PSEN1: variants seen among roughly 807,000 people sequenced by gnomAD.
PSEN1 encodes the protein presenilin-1.
PSEN1 carries 15 observed loss-of-function variants against 53.5 expected under a neutral mutation model. The observed-to-expected ratio is 0.28, with a 90% CI of 0.19 to 0.43. The LOEUF (loss-of-function observed/expected upper bound fraction) is 0.43. Among genes scored for constraint, PSEN1 ranks in the 20% least tolerant of loss-of-function variants. The probability of loss-of-function intolerance (pLI) is 1.00; values close to 1 mark genes in which losing one functional copy is unlikely to be tolerated. For synonymous variants in PSEN1, 208 were observed against 209.8 expected, an observed-to-expected ratio of 0.99 and a Z score of 0.08; for missense variants, 387 against 571.2, an observed-to-expected ratio of 0.68 and a Z score of 3.29.
intron 9 of PSEN1, among the ~76,000 whole-genome samples, chr14:73,206,826 T>A (rs1899475302): frequency 6.7e-6 from 1 of 149,946 alleles, no homozygotes; most frequent in African/African-American, 2.5e-5. Context: ...AAAGTAAGAA[T>A]CTCCTAAAAG....
In PSEN1 at chr14:73,219,554, A is replaced by G. The variant is rs199643125; in HGVS notation, c.*265A>G. 35 of 465,748 alleles carry G rather than the reference A, an allele frequency of 7.5e-5. No homozygotes were observed. Among genetic ancestry groups the G allele is most frequent in the Non-Finnish European group, 1.3e-4 (34 of 253,086 alleles). The allele number at this position is 465,748 out of a possible 1,614,324, so 28.9% of individuals were successfully genotyped here. ...CTACCAGATTTGAGGGACGAGGTCA[A>G]GGAGATATGATAGGCCCGGAAGTTG... On this transcript the variant is annotated 3_prime_UTR_variant, in exon 12 of 12. Transcript: ENST00000324501.
intron 8 of PSEN1, among the ~76,000 whole-genome samples, chr14:73,205,470 C>A (rs1476261337): frequency 7.3e-6 from 1 of 136,712 alleles, no homozygotes; most frequent in Non-Finnish European, 1.5e-5. Context: ...CAGAGCAAGA[C>A]TCTGTCTCAA....
At chr14:73,160,207 G>T (rs965564194) in intron 3 of PSEN1, 1 of 159,346 alleles carries the variant, frequency 6.3e-6, no homozygotes, top group Non-Finnish European at 1.4e-5. Context: ...TGTCCTCAAG[G>T]TTCATCTATA....
At chr14:73,209,997 A>G (rs941804866) in intron 9 of PSEN1, among the ~76,000 whole-genome samples, 2 of 152,218 alleles carry the variant, frequency 1.3e-5, no homozygotes, top group African/African-American at 4.8e-5. Context: ...AAACTCCTCC[A>G]TCCTAGTTAT....
At chr14:73,184,966 C>A (rs1203158334) in intron 5 of PSEN1, among the ~76,000 whole-genome samples, 136 of 128,376 alleles carry the variant, frequency 1.1e-3, no homozygotes, top group Non-Finnish European at 2.0e-3. Flanking sequence ...ACATCCCAGA[C>A]GGGGCGGCGG....
intron 6 of PSEN1, among the ~76,000 whole-genome samples, chr14:73,188,991 A>G (rs1012100609): frequency 6.6e-6 from 1 of 151,966 alleles, no homozygotes; most frequent in Non-Finnish European, 1.5e-5. Flanking sequence ...GGGTTTCACC[A>G]TGTTGGCCAG....
chr14:73,171,633 C>T (rs1897893510), intron 4 of PSEN1, among the ~76,000 whole-genome samples: 1 of 152,144 alleles, frequency 6.6e-6, no homozygotes, highest in Non-Finnish European at 1.5e-5. Context: ...TAGGGTTAGA[C>T]TGCACAGGCT....
At chr14:73,197,583 C>T (rs1899006494) in intron 7 of PSEN1, 1 of 175,832 alleles carries the variant, frequency 5.7e-6, no homozygotes, top group Admixed American at 5.6e-5. Context: ...TCAGTCAAAT[C>T]CCCTTTATTA....
intron 8 of PSEN1, among the ~76,000 whole-genome samples, chr14:73,205,764 C>T (rs1245008100): frequency 3.9e-5 from 6 of 152,186 alleles, no homozygotes; most frequent in Non-Finnish European, 8.8e-5. Flanking sequence ...AAAGTTTTCA[C>T]AATGTCTCTG....
chr14:73,200,333 A>C (rs1215316370), intron 8 of PSEN1, among the ~76,000 whole-genome samples: 1 of 151,756 alleles, frequency 6.6e-6, no homozygotes, highest in Non-Finnish European at 1.5e-5. Context: ...ACAGTGGCGC[A>C]ATCTCAACTC....
rs1206214428 is a variant in PSEN1, at chr14:73,173,639, A to G, written c.412A>G (p.Ile138Val). 3.7e-6 allele frequency: 6 copies of G among 1,613,734 alleles called. No individual in the cohort carries two copies. The highest frequency in any genetic ancestry group is 4.2e-6 in the Non-Finnish European group (5 of 1,179,740). Residue 138 changes from isoleucine to valine, a missense_variant, in exon 5 of 12, where the codon ATC becomes GTC. Ile to Val is a conservative substitution (Grantham distance 29). This residue lies in a region of PSEN1 where 169 missense variants were observed against 299.7 expected (regional missense o/e 0.56). Transcript: ENST00000324501. ...CCTGCACTCAATTCTGAATGCTGCC[A>G]TCATGATCAGTGTCATTGTTGTCAT... Reference protein sequence around the residue: ...RALHSILNAAIMISVIVVMTI... With the variant: ...RALHSILNAAVMISVIVVMTI...
chr14:73,186,549 G>T (rs1898519853), intron 5 of PSEN1, among the ~76,000 whole-genome samples: 1 of 152,172 alleles, frequency 6.6e-6, no homozygotes, highest in African/African-American at 2.4e-5. Context: ...GTCTGAGGCG[G>T]GCGGATCACT....
intron 8 of PSEN1, among the ~76,000 whole-genome samples, chr14:73,198,694 GTAGAATCAA>G (rs1264479488): frequency 4.6e-5 from 7 of 152,170 alleles, no homozygotes; most frequent in Non-Finnish European, 7.3e-5. Context: ...GGATTCAGAG[GTAGAATCAA>G]TAGTTCTAGC....
intron 5 of PSEN1, among the ~76,000 whole-genome samples, chr14:73,185,945 G>A (rs1051978868): frequency 6.6e-6 from 1 of 152,170 alleles, no homozygotes; most frequent in Non-Finnish European, 1.5e-5. Context: ...AATATGAATG[G>A]TAGACTCTAG....
rs751557514 is a variant in PSEN1, at chr14:73,221,368, CCTAAT to C, written c.*2083_*2087del. 5.9e-5 allele frequency: 9 copies of C among 152,168 alleles called. No homozygotes were observed. The highest frequency in any genetic ancestry group is 1.3e-4 in the Non-Finnish European group (9 of 68,028). 9.4% of individuals were successfully genotyped at this position (152,168 alleles called of 1,614,324 possible). ...TGATTGGAAGCATTCTTGAGGGATC[CCTAAT>C]CTAGAGTAATTTATTTGTGTAAGGA... is the stretch of plus-strand genomic sequence containing the variant. On this transcript the variant is annotated 3_prime_UTR_variant, in exon 12 of 12. Coordinates refer to ENST00000324501, the MANE Select transcript of PSEN1 (RefSeq NM_000021.4).
At chr14:73,184,890 G>A (rs1467708609) in intron 5 of PSEN1, among the ~76,000 whole-genome samples, 3 of 150,458 alleles carry the variant, frequency 2.0e-5, no homozygotes, top group African/African-American at 4.9e-5. Flanking sequence ...CTTCTCAGAC[G>A]GGGCGGCCGG....
At chr14:73,151,566 C>T (rs1442645348) in intron 3 of PSEN1, among the ~76,000 whole-genome samples, 1 of 151,938 alleles carries the variant, frequency 6.6e-6, no homozygotes, top group African/African-American at 2.4e-5. Flanking sequence ...ATTTAAAAAG[C>T]TATTTTGAAA....
In PSEN1 at chr14:73,147,915, TA is replaced by T; in HGVS notation, c.-54+40del. 3 of 858,422 alleles carry T rather than the reference TA, an allele frequency of 3.5e-6. No individual in the cohort carries two copies. The Admixed American group carries it at 5.9e-5, about 17-fold the overall frequency. The allele number at this position is 858,422 out of a possible 1,614,324, so 53.2% of individuals were successfully genotyped here. A position where few individuals can be genotyped will look rare whatever the true frequency, so the allele number is the denominator to read the frequency against. On this transcript the variant is annotated intron_variant, in intron 2 of 11. Coordinates refer to ENST00000324501, the MANE Select transcript of PSEN1 (RefSeq NM_000021.4). ...TAATGTAATCTATGAAAGTGTTTTT[TA>T]TAACAGTATAATTGTAGTGCACAAA...
chr14:73,183,841 G>T (rs1215074744), intron 5 of PSEN1, among the ~76,000 whole-genome samples: 1 of 151,516 alleles, frequency 6.6e-6, no homozygotes, highest in Non-Finnish European at 1.5e-5. Flanking sequence ...TGGTGGCCGG[G>T]CAGAGGGGCT....
Sources: allele counts gnomAD v4.1 joint callset (sites outside exome capture counted in the v4.1 genomes callset), GRCh38; gene constraint gnomAD v4.1.1; regional missense constraint gnomAD v4.1.1; transcripts MANE v1.5; gene names NCBI Gene and HGNC (gene_info 2026-07-23, HGNC 2026-07-21).